Variants in ANLN observed in about 807,000 individuals in gnomAD.
ANLN encodes the protein anillin, actin binding protein.
A neutral mutation model predicts 135.1 loss-of-function variants in ANLN; 59 were observed. The observed-to-expected ratio is 0.44, with a 90% CI of 0.35 to 0.54. The LOEUF (loss-of-function observed/expected upper bound fraction) is 0.54, where lower values mean the gene tolerates loss of function less well. Among genes scored for constraint, ANLN ranks in the 20% least tolerant of loss-of-function variants. ANLN has a pLI of 0.00. For missense variants in ANLN, 1,182 were observed against 1,340.0 expected (o/e 0.88, Z 1.84); for synonymous variants, 406 against 456.4 (o/e 0.89, Z 1.41).
At chr7:36,437,006 G>A (rs1328853600) in intron 20 of ANLN, among the ~76,000 whole-genome samples, 2 of 152,018 alleles carry the variant, frequency 1.3e-5, no homozygotes, top group Admixed American at 6.6e-5. Context: ...ATAATACATG[G>A]TATTTATCTT....
At chr7:36,428,576 A>G (rs1353368491) in intron 20 of ANLN, among the ~76,000 whole-genome samples, 2 of 151,766 alleles carry the variant, frequency 1.3e-5, no homozygotes, top group Non-Finnish European at 2.9e-5. Context: ...TATTTTTTCA[A>G]TGCATGTTTG....
chr7:36,397,210 T>C (rs1362861280), intron 2 of ANLN, among the ~76,000 whole-genome samples: 1 of 152,162 alleles, frequency 6.6e-6, no homozygotes, highest in Non-Finnish European at 1.5e-5. Flanking sequence ...TTTTGGAAGC[T>C]AATCATAGAA....
chr7:36,411,724 T>C (rs1281831660), intron 7 of ANLN, among the ~76,000 whole-genome samples: 1 of 152,244 alleles, frequency 6.6e-6, no homozygotes, highest in African/African-American at 2.4e-5. Flanking sequence ...TGGGGACTAA[T>C]AGAAAGTAAA....
At chr7:36,436,332 A>T (rs1040851883) in intron 20 of ANLN, among the ~76,000 whole-genome samples, 1 of 152,198 alleles carries the variant, frequency 6.6e-6, no homozygotes, top group African/African-American at 2.4e-5. Flanking sequence ...ATTCTATTAT[A>T]TGTATATACA....
At chr7:36,437,580 T>C (rs1036875842) in intron 20 of ANLN, among the ~76,000 whole-genome samples, 1 of 152,130 alleles carries the variant, frequency 6.6e-6, no homozygotes, top group Non-Finnish European at 1.5e-5. Flanking sequence ...ATGGTAGTTT[T>C]ATTTTTTCAT....
chr7:36,424,296 A>C (rs1787993907), intron 15 of ANLN, among the ~76,000 whole-genome samples: 1 of 152,198 alleles, frequency 6.6e-6, no homozygotes, highest in Admixed American at 6.5e-5. Context: ...ATTTTTAAAT[A>C]AGAGTCAAAG....
chr7:36,411,264 C>A, intron 7 of ANLN, 98 bp downstream of exon 7: 1 of 938,342 alleles, frequency 1.1e-6, no homozygotes. Flanking sequence ...ACACATTTTT[C>A]TTTTCCAATT....
Position 36,417,141 on chromosome 7 carries a change from G to A in ANLN, c.1584G>A (p.Glu528=). 6.2e-7 allele frequency: 1 copy of A among 1,609,410 alleles called. No homozygotes were observed. Among genetic ancestry groups the A allele is most frequent in the Non-Finnish European group, 8.5e-7 (1 of 1,178,424 alleles). ...SPLKITLFLE[E]DKSLKVTSDP... The stretch of plus-strand genomic sequence containing the variant: ...TGAAAATAACATTGTTTTTAGAAGA[G>A]GACAAATCCTTAAAAGTAACATCAG... The change falls in exon 9 of 24, where the codon GAG becomes GAA. Residue 528 remains glutamate (E), a synonymous_variant. Transcript: ENST00000265748.
rs776619611 is a variant in ANLN at position 36,420,263 on chromosome 7, G to A, written c.1964G>A (p.Arg655Gln). 54 of 1,614,054 alleles carry A rather than the reference G, an allele frequency of 3.3e-5. No homozygotes were observed. Among genetic ancestry groups the A allele is most frequent in the South Asian group, 5.5e-5 (5 of 91,078 alleles). Residue 655 changes from arginine (R) to glutamine (Q), a missense_variant, in exon 11 of 24, where the codon CGA (arginine) becomes CAA (glutamine). This residue lies in a region of ANLN where 1,022 missense variants were observed against 1,134.0 expected (regional missense o/e 0.90). Coordinates refer to ENST00000265748, the MANE Select transcript of ANLN (RefSeq NM_018685.5). ...AAATTCCAAAGAACTCGTGTCCCTC[G>A]AGCTGAATCTGGTGATAGCCTTGGT... ...PGKFQRTRVP[R>Q]AESGDSLGSE... is the part of the protein sequence containing the mutation.
chr7:36,394,517 C>T (rs1396301955), intron 1 of ANLN, among the ~76,000 whole-genome samples: 1 of 152,100 alleles, frequency 6.6e-6, no homozygotes, highest in East Asian at 1.9e-4. Flanking sequence ...TTTTATTTAG[C>T]GGGTGAAGGT....
rs144341561 is a variant in ANLN, at chr7:36,400,749, A to G, written c.487+1356A>G. ...CTCAGTGGCTACTGGGCCTCACCCAAGGAAGCATTCCTTAGGTGGTTCTCA... is the reference window on the plus strand; with the variant it reads ...CTCAGTGGCTACTGGGCCTCACCCAGGGAAGCATTCCTTAGGTGGTTCTCA... On this transcript the variant is annotated intron_variant, in intron 3 of 23. Coordinates refer to ENST00000265748, the MANE Select transcript of ANLN (RefSeq NM_018685.5). 6.3e-3 allele frequency among the ~76,000 whole-genome samples: 955 copies of G among 152,336 alleles called. 5 individuals are homozygous for G. Among genetic ancestry groups the G allele is most frequent in the African/African-American group, 0.022 (896 of 41,580 alleles).
chr7:36,426,586 A>G (rs1434292080), intron 19 of ANLN, among the ~76,000 whole-genome samples: 1 of 152,066 alleles, frequency 6.6e-6, no homozygotes, highest in Non-Finnish European at 1.5e-5. Context: ...CTGTACAGAG[A>G]TAGTTTCTGC....
chr7:36,435,759 G>A (rs1446071760), intron 20 of ANLN, among the ~76,000 whole-genome samples: 1 of 148,980 alleles, frequency 6.7e-6, no homozygotes, highest in African/African-American at 2.5e-5. Flanking sequence ...TGTAGTCCCA[G>A]CTACTCGGGA....
At chr7:36,390,374 G>A in intron 1 of ANLN, 1 of 386,426 alleles carries the variant, frequency 2.6e-6, no homozygotes. Flanking sequence ...CAGGCCTGCG[G>A]AACGGGTCCT....
intron 7 of ANLN, among the ~76,000 whole-genome samples, chr7:36,415,180 A>G (rs17170588): frequency 0.064 from 9,788 of 152,284 alleles, 722 homozygotes; most frequent in African/African-American, 0.18. Flanking sequence ...TAATGAATAA[A>G]AAGACTCAGA....
chr7:36,443,969 T>A, intron 22 of ANLN, 107 bp downstream of exon 22: 1 of 738,098 alleles, frequency 1.4e-6, no homozygotes, highest in Non-Finnish European at 2.2e-6. Context: ...TTAATAACCC[T>A]TTTTGTGTAC....
At chr7:36,442,975 A>G (rs767740152) in intron 21 of ANLN, among the ~76,000 whole-genome samples, 8 of 151,816 alleles carry the variant, frequency 5.3e-5, no homozygotes, top group Admixed American at 2.0e-4. Context: ...GAGGGCTTCT[A>G]TATAGATTAG....
intron 2 of ANLN, among the ~76,000 whole-genome samples, chr7:36,398,171 A>ATTT (rs34778019): frequency 2.2e-4 from 33 of 148,772 alleles, no homozygotes; most frequent in Admixed American, 5.4e-4. Flanking sequence ...GTTCTGATAG[A>ATTT]TTTTTTTTTT....
intron 3 of ANLN, among the ~76,000 whole-genome samples, chr7:36,401,003 T>C (rs1786923084): frequency 6.6e-6 from 1 of 152,212 alleles, no homozygotes; most frequent in African/African-American, 2.4e-5. Context: ...CAGTCTTCCA[T>C]ACATATCAGT....
Sources: allele counts gnomAD v4.1 joint callset (sites outside exome capture counted in the v4.1 genomes callset), GRCh38; gene constraint gnomAD v4.1.1; regional missense constraint gnomAD v4.1.1; transcripts MANE v1.5; gene names NCBI Gene and HGNC (gene_info 2026-07-23, HGNC 2026-07-21).